Variants in TENM2 observed in about 807,000 individuals in gnomAD.
TENM2 encodes the protein teneurin-2.
TENM2 carries 52 observed loss-of-function variants against 245.2 expected under a neutral mutation model. That is an observed-to-expected ratio of 0.21 (90% CI 0.17 to 0.27). TENM2 has a LOEUF of 0.27. TENM2 is among the 10% of genes least tolerant of loss of function. TENM2 has a pLI of 1.00. For synonymous variants in TENM2, 1,363 were observed against 1,438.9 expected, an observed-to-expected ratio of 0.95 and a Z score of 1.19; for missense variants, 3,046 against 3,666.8, an observed-to-expected ratio of 0.83 and a Z score of 4.37.
At chr5:168,065,879 T>C (rs916411200) in intron 7 of TENM2, among the ~76,000 whole-genome samples, 3 of 150,378 alleles carry the variant, frequency 2.0e-5, no homozygotes, top group African/African-American at 7.3e-5. Flanking sequence ...TTGTTTATGC[T>C]ACACCATTAG....
At chr5:167,881,971 A>G (rs151168419) in intron 3 of TENM2, among the ~76,000 whole-genome samples, 2 of 152,284 alleles carry the variant, frequency 1.3e-5, no homozygotes, top group Non-Finnish European at 2.9e-5. Flanking sequence ...CATTTTCTAG[A>G]TGACAAAACC....
intron 2 of TENM2, among the ~76,000 whole-genome samples, chr5:167,669,444 C>G (rs182745504): frequency 6.6e-6 from 1 of 152,228 alleles, no homozygotes; most frequent in Admixed American, 6.5e-5. Context: ...ACTGATGGTT[C>G]TATCCGTTGA....
intron 25 of TENM2, among the ~76,000 whole-genome samples, chr5:168,237,944 C>T (rs1765653479): frequency 6.6e-6 from 1 of 151,290 alleles, no homozygotes; most frequent in African/African-American, 2.4e-5. Flanking sequence ...AGATCAAGAC[C>T]ATCTTGGCTA....
rs1006945486 is a variant in TENM2 at position 167,521,647 on chromosome 5, T to G, written c.502+146174T>G. ...TATTTCATGAATGAGTTCCAGAAAT[T>G]CAGACTCCATGTGTTTTTTAGGGAG... On this transcript the variant is annotated intron_variant, in intron 2 of 28. Transcript: ENST00000518659. Among the ~76,000 whole-genome samples, 9 of 152,296 alleles carry G rather than the reference T, an allele frequency of 5.9e-5. No homozygotes were observed. The East Asian group carries it at 1.7e-3, about 29-fold the overall frequency.
chr5:167,831,816 A>C (rs1367235808), intron 2 of TENM2, among the ~76,000 whole-genome samples: 1 of 152,196 alleles, frequency 6.6e-6, no homozygotes, highest in Non-Finnish European at 1.5e-5. Flanking sequence ...CTGCATAAGG[A>C]TGAAATGAGT....
At chr5:167,877,555 G>A (rs1181322875) in intron 3 of TENM2, among the ~76,000 whole-genome samples, 1 of 152,164 alleles carries the variant, frequency 6.6e-6, no homozygotes, top group Admixed American at 6.5e-5. Context: ...TTACATCATT[G>A]GGGTGATTGG....
chr5:167,145,102 T>G, the TENM2 span, among the ~76,000 whole-genome samples: 391 of 152,300 alleles, frequency 2.6e-3, no homozygotes, highest in African/African-American at 9.1e-3. Flanking sequence ...CTAAGTACCC[T>G]TGTGATACTG....
intron 19 of TENM2, among the ~76,000 whole-genome samples, chr5:168,205,483 C>T (rs572114336): frequency 6.2e-4 from 95 of 152,168 alleles, no homozygotes; most frequent in African/African-American, 2.0e-3. Flanking sequence ...AGGAACTGGG[C>T]GACAGGGAGG....
chr5:168,081,080 G>C (rs1331118520), intron 7 of TENM2, among the ~76,000 whole-genome samples: 1 of 152,140 alleles, frequency 6.6e-6, no homozygotes, highest in Non-Finnish European at 1.5e-5. Context: ...CTCTTTGTAG[G>C]TCCCTAAGCA....
At chr5:167,070,058 T>G in the TENM2 span, among the ~76,000 whole-genome samples, 1 of 152,084 alleles carries the variant, frequency 6.6e-6, no homozygotes, top group Non-Finnish European at 1.5e-5. Flanking sequence ...GAATATCTGA[T>G]GAGTGAATGT....
At chr5:167,919,195 G>A (rs1777166675) in intron 3 of TENM2, among the ~76,000 whole-genome samples, 1 of 152,118 alleles carries the variant, frequency 6.6e-6, no homozygotes, top group Admixed American at 6.5e-5. Flanking sequence ...TCAACAATTT[G>A]TTTTAATCTG....
intron 2 of TENM2, among the ~76,000 whole-genome samples, chr5:167,736,118 T>G (rs148459848): frequency 0.022 from 3,312 of 152,016 alleles, 113 homozygotes; most frequent in African/African-American, 0.076. Flanking sequence ...ACAATCATGG[T>G]GGAAGGAGAA....
the TENM2 span, among the ~76,000 whole-genome samples, chr5:167,219,725 G>C: frequency 6.6e-6 from 1 of 152,182 alleles, no homozygotes; most frequent in Admixed American, 6.5e-5. Flanking sequence ...GCCTGAAAAG[G>C]CTCATTATAA....
At chr5:167,666,798 T>A (rs1338332973) in intron 2 of TENM2, among the ~76,000 whole-genome samples, 1 of 152,220 alleles carries the variant, frequency 6.6e-6, no homozygotes, top group Non-Finnish European at 1.5e-5. Context: ...GCACTTGATA[T>A]GCCCAGATGT....
the TENM2 span, among the ~76,000 whole-genome samples, chr5:167,134,520 T>C: frequency 1.3e-5 from 2 of 152,328 alleles, no homozygotes; most frequent in South Asian, 4.1e-4. Flanking sequence ...TGTTTATTTT[T>C]ATGAGAGGTT....
intron 2 of TENM2, among the ~76,000 whole-genome samples, chr5:167,646,814 C>A (rs1294575391): frequency 6.6e-6 from 1 of 152,140 alleles, no homozygotes; most frequent in South Asian, 2.1e-4. Flanking sequence ...CTACGGCAAG[C>A]CAGATGGCTC....
At chr5:167,515,010 C>G (rs1031857478) in intron 2 of TENM2, among the ~76,000 whole-genome samples, 1 of 151,940 alleles carries the variant, frequency 6.6e-6, no homozygotes, top group African/African-American at 2.4e-5. Context: ...GACTCCATCT[C>G]AAAAGCAAAC....
intron 2 of TENM2, among the ~76,000 whole-genome samples, chr5:167,484,511 CCCAGCAGACACCTAGATTTTGGACTT>C (rs1194374292): frequency 6.6e-6 from 1 of 152,146 alleles, no homozygotes; most frequent in Non-Finnish European, 1.5e-5. Flanking sequence ...CAGGAGCCAA[CCCAGCAGACACCTAGATTTTGGACTT>C]CCAGCCTCCA....
the TENM2 span, among the ~76,000 whole-genome samples, chr5:166,994,809 A>C: frequency 0.018 from 2,751 of 152,216 alleles, 88 homozygotes; most frequent in African/African-American, 0.063. Context: ...CCAATATGGA[A>C]CTGTCTGAGA....
Sources: gnomAD v4.1 joint callset for allele counts (sites outside exome capture counted in the v4.1 genomes callset) on GRCh38, gnomAD v4.1.1 for gene constraint, MANE v1.5 for transcripts, NCBI Gene and HGNC (gene_info 2026-07-23, HGNC 2026-07-21) for gene names.